The following ANKFN1 variants were observed in gnomAD, a reference collection of about 807,000 sequenced individuals.
ANKFN1 encodes the protein ankyrin repeat and fibronectin type III domain containing 1, also known as ankyrin repeat and fibronectin type-III domain-containing protein 1.
Under a neutral mutation model 108.7 loss-of-function variants are expected in ANKFN1, and 74 were observed. That is an observed-to-expected ratio of 0.68 (90% CI 0.56 to 0.83). The LOEUF (loss-of-function observed/expected upper bound fraction) is 0.83, where lower values mean the gene tolerates loss of function less well. Ranked by LOEUF, ANKFN1 falls within the 40% of genes least tolerant of loss-of-function variation. The probability of loss-of-function intolerance (pLI) is 0.00; values close to 1 mark genes in which losing one functional copy is unlikely to be tolerated. For missense variants in ANKFN1, 1,505 were observed against 1,382.3 expected (o/e 1.09, Z -1.41); for synonymous variants, 547 against 516.2 (o/e 1.06, Z -0.81).
chr17:56,161,255 T>C (rs1004948029), intron 1 of ANKFN1, among the ~76,000 whole-genome samples: 2 of 152,194 alleles, frequency 1.3e-5, no homozygotes, highest in African/African-American at 4.8e-5. Flanking sequence ...ATCATTAGGG[T>C]TAACAGGATT....
intron 4 of ANKFN1, among the ~76,000 whole-genome samples, chr17:56,142,435 G>A (rs913245329): frequency 6.6e-6 from 1 of 152,124 alleles, no homozygotes; most frequent in Non-Finnish European, 1.5e-5. Context: ...CCAACAAAAG[G>A]TTCTTTTGCA....
At chr17:56,445,379 G>A (rs2049250941) in intron 10 of ANKFN1, among the ~76,000 whole-genome samples, 1 of 152,194 alleles carries the variant, frequency 6.6e-6, no homozygotes, top group Admixed American at 6.5e-5. Flanking sequence ...GCCCATTTGA[G>A]GTGCCATCTC....
chr17:56,462,100 G>T (rs1265269950), intron 14 of ANKFN1: 2 of 151,946 alleles, frequency 1.3e-5, no homozygotes, highest in Non-Finnish European at 2.9e-5. Context: ...ACTTTTTTTG[G>T]TAGGACCTAT....
At chr17:56,200,797 C>T (rs1305401973) in intron 1 of ANKFN1, among the ~76,000 whole-genome samples, 1 of 152,192 alleles carries the variant, frequency 6.6e-6, no homozygotes, top group African/African-American at 2.4e-5. Context: ...GATATCTACT[C>T]TTGATTCCTC....
intron 14 of ANKFN1, among the ~76,000 whole-genome samples, chr17:56,462,415 A>G (rs1354694120): frequency 2.0e-5 from 3 of 152,176 alleles, no homozygotes; most frequent in African/African-American, 7.2e-5. Context: ...ACCAACACGG[A>G]CAAACCCCGT....
At chr17:56,284,122 T>C (rs920136026) in intron 3 of ANKFN1, among the ~76,000 whole-genome samples, 3 of 152,206 alleles carry the variant, frequency 2.0e-5, no homozygotes, top group African/African-American at 7.2e-5. Context: ...TGTGTGTGTG[T>C]GCACACATGC....
intron 4 of ANKFN1, among the ~76,000 whole-genome samples, chr17:56,094,784 T>C (rs1044676341): frequency 6.7e-6 from 1 of 149,446 alleles, no homozygotes; most frequent in Non-Finnish European, 1.5e-5. Context: ...CCTCCCAAAG[T>C]GTCGGGATTA....
intron 3 of ANKFN1, among the ~76,000 whole-genome samples, chr17:56,236,552 C>A (rs1397171924): frequency 6.6e-6 from 1 of 152,044 alleles, no homozygotes; most frequent in African/African-American, 2.4e-5. Context: ...TATCCTGAAA[C>A]TTTGCCGAAG....
intron 8 of ANKFN1, among the ~76,000 whole-genome samples, chr17:56,414,646 A>G (rs900905201): frequency 6.6e-6 from 1 of 152,216 alleles, no homozygotes; most frequent in African/African-American, 2.4e-5. Flanking sequence ...TCATATAATC[A>G]GAATGAACGA....
chr17:56,464,885 C>A (rs1057289924), intron 14 of ANKFN1, among the ~76,000 whole-genome samples: 1 of 152,052 alleles, frequency 6.6e-6, no homozygotes, highest in Non-Finnish European at 1.5e-5. Flanking sequence ...TGGTAGCCAA[C>A]CCTGAAATTC....
At chr17:56,149,860 G>T (rs906484515), upstream of ANKFN1, among the ~76,000 whole-genome samples, 1 of 152,248 alleles carries the variant, frequency 6.6e-6, no homozygotes, top group African/African-American at 2.4e-5. Flanking sequence ...GATTCGGGAA[G>T]ACTGCCTCTG....
intron 1 of ANKFN1, among the ~76,000 whole-genome samples, chr17:56,183,074 C>T (rs1373169258): frequency 6.6e-6 from 1 of 152,198 alleles, no homozygotes; most frequent in Non-Finnish European, 1.5e-5. Flanking sequence ...CAATGCAGCT[C>T]ATCATCCAAG....
intron 4 of ANKFN1, among the ~76,000 whole-genome samples, chr17:56,122,304 T>TA (rs1207940443): frequency 2.0e-5 from 3 of 152,216 alleles, no homozygotes; most frequent in Non-Finnish European, 4.4e-5. Flanking sequence ...TTTATAACTT[T>TA]ATCATAACCT....
chr17:56,094,612 T>A (rs1905488922), intron 4 of ANKFN1, among the ~76,000 whole-genome samples: 1 of 147,728 alleles, frequency 6.8e-6, no homozygotes, highest in Non-Finnish European at 1.5e-5. Context: ...CAAGTGATTC[T>A]CCTGCCTCAG....
chr17:56,266,689 A>G (rs2043660917), intron 3 of ANKFN1, among the ~76,000 whole-genome samples: 1 of 152,178 alleles, frequency 6.6e-6, no homozygotes, highest in Non-Finnish European at 1.5e-5. Context: ...AGTCATATGA[A>G]GAATGTTTCT....
intron 8 of ANKFN1, among the ~76,000 whole-genome samples, chr17:56,409,425 G>A (rs2048022616): frequency 6.6e-6 from 1 of 152,178 alleles, no homozygotes; most frequent in Admixed American, 6.5e-5. Context: ...ACAAGCATAA[G>A]AAGACCCTGG....
intron 4 of ANKFN1, among the ~76,000 whole-genome samples, chr17:56,117,367 GA>G (rs1460310605): frequency 6.6e-6 from 1 of 152,130 alleles, no homozygotes; most frequent in Non-Finnish European, 1.5e-5. Context: ...TCTAATGGAT[GA>G]AAAATAGAAG....
chr17:56,252,800 G>A (rs180719212), intron 3 of ANKFN1, among the ~76,000 whole-genome samples: 3 of 147,860 alleles, frequency 2.0e-5, no homozygotes, highest in East Asian at 4.1e-4. Context: ...TGGCTCACAC[G>A]TGTAATCCCA....
At chr17:56,304,677 T>C (rs1208183091) in intron 3 of ANKFN1, among the ~76,000 whole-genome samples, 1 of 152,214 alleles carries the variant, frequency 6.6e-6, no homozygotes, top group Non-Finnish European at 1.5e-5. Context: ...TTTTTTATTT[T>C]AGTTATTCTG....
Sources: allele counts gnomAD v4.1 joint callset (sites outside exome capture counted in the v4.1 genomes callset), GRCh38; gene constraint gnomAD v4.1.1; transcripts MANE v1.5; gene names NCBI Gene and HGNC (gene_info 2026-07-23, HGNC 2026-07-21).